Variants in NCOA2 observed in about 807,000 individuals in gnomAD.
The protein encoded by NCOA2 is class E basic helix-loop-helix protein 75.
A neutral mutation model predicts 145.1 loss-of-function variants in NCOA2; 21 were observed. The observed-to-expected ratio is 0.14, with a 90% CI of 0.10 to 0.21. NCOA2 has a LOEUF of 0.21. Ranked by LOEUF, NCOA2 falls within the 10% of genes least tolerant of loss-of-function variation. The probability of loss-of-function intolerance (pLI) is 1.00; values close to 1 mark genes in which losing one functional copy is unlikely to be tolerated. For missense variants in NCOA2, 1,472 were observed against 1,837.6 expected (o/e 0.80, Z 3.64); for synonymous variants, 619 against 637.5 (o/e 0.97, Z 0.44).
chr8:70,239,294 C>A (rs939595164), intron 2 of NCOA2, among the ~76,000 whole-genome samples: 2 of 152,080 alleles, frequency 1.3e-5, no homozygotes, highest in Admixed American at 1.3e-4. Context: ...AACAATGGTT[C>A]ATTCTGATAA....
chr8:70,249,575 A>G (rs1175891810), intron 2 of NCOA2, among the ~76,000 whole-genome samples: 1 of 152,212 alleles, frequency 6.6e-6, no homozygotes, highest in East Asian at 1.9e-4. Context: ...CAACTGGCCC[A>G]GTGCATAGCA....
intron 2 of NCOA2, among the ~76,000 whole-genome samples, chr8:70,248,756 G>T (rs11988649): frequency 1.5e-5 from 1 of 68,198 alleles, no homozygotes; most frequent in Admixed American, 1.9e-4. Context: ...AATGACAGGG[G>T]AAAAAAGTCT....
At chr8:70,270,153 G>A (rs192840837) in intron 2 of NCOA2, among the ~76,000 whole-genome samples, 143 of 151,698 alleles carry the variant, frequency 9.4e-4, no homozygotes, top group African/African-American at 3.3e-3. Flanking sequence ...CTGCACTCCA[G>A]CCTGGGTGAC....
intron 2 of NCOA2, among the ~76,000 whole-genome samples, chr8:70,280,367 C>T (rs994533470): frequency 2.6e-5 from 4 of 152,052 alleles, no homozygotes; most frequent in Non-Finnish European, 5.9e-5. Flanking sequence ...AACTGAGGGG[C>T]GATCGCAATT....
intron 14 of NCOA2, among the ~76,000 whole-genome samples, chr8:70,139,100 A>G (rs1810080275): frequency 6.6e-6 from 1 of 152,278 alleles, no homozygotes; most frequent in South Asian, 2.1e-4. Flanking sequence ...GGAGGCCAAG[A>G]CAACCCACAA....
At chr8:70,432,087 T>G in the NCOA2 span, among the ~76,000 whole-genome samples, 3 of 152,162 alleles carry the variant, frequency 2.0e-5, no homozygotes, top group South Asian at 4.1e-4. Flanking sequence ...TAGGTACAGA[T>G]GATTATATGG....
At position 70,126,699 on chromosome 8, in the gene NCOA2, C is replaced by A; in HGVS notation, c.3916+114G>T. The A allele has an allele frequency of 4.3e-6, 4 of 927,164 alleles. No homozygotes were observed. In the Admixed American group the frequency reaches 6.4e-5, roughly 15 times the overall value. The allele number at this position is 927,164 out of a possible 1,614,324, so 57.4% of individuals were successfully genotyped here. ...AGGTTTCCTATCATTCCCTGGTTAG[C>A]CAGATTCATCTGGGAGCCATGCAAA... is the stretch of plus-strand genomic sequence containing the variant. On this transcript the variant is annotated intron_variant, in intron 19 of 22. Coordinates refer to ENST00000452400, the MANE Select transcript of NCOA2 (RefSeq NM_006540.4).
chr8:70,440,844 GAGAA>G, the NCOA2 span, among the ~76,000 whole-genome samples: 112 of 151,030 alleles, frequency 7.4e-4, 2 homozygotes, highest in African/African-American at 2.5e-3. Flanking sequence ...AGAGGAAAGA[GAGAA>G]AGAAAGAAAG....
At chr8:70,419,397 C>T in the NCOA2 span, among the ~76,000 whole-genome samples, 1 of 152,026 alleles carries the variant, frequency 6.6e-6, no homozygotes, top group Admixed American at 6.6e-5. Context: ...TGCTATTATG[C>T]ATAATCTGTT....
chr8:70,417,736 G>A, the NCOA2 span, among the ~76,000 whole-genome samples: 4 of 152,120 alleles, frequency 2.6e-5, no homozygotes, highest in Non-Finnish European at 5.9e-5. Flanking sequence ...CCTGAATTGG[G>A]TTGTAGTTTT....
chr8:70,242,764 G>A (rs1369256730), intron 2 of NCOA2, among the ~76,000 whole-genome samples: 5 of 151,942 alleles, frequency 3.3e-5, no homozygotes, highest in Admixed American at 3.3e-4. Flanking sequence ...AAACAAAAAG[G>A]TCCTATGAAC....
intron 2 of NCOA2, chr8:70,273,346 C>T (rs537454939): frequency 2.4e-5 from 10 of 424,334 alleles, no homozygotes; most frequent in Middle Eastern, 8.0e-4. Flanking sequence ...CCTAGTCCCC[C>T]GCGCAGCCCC....
intron 6 of NCOA2, among the ~76,000 whole-genome samples, chr8:70,167,320 A>G (rs1813728201): frequency 1.3e-5 from 2 of 152,172 alleles, no homozygotes; most frequent in Admixed American, 6.5e-5. Context: ...GCATCCATCT[A>G]ACGGGATCTT....
intron 2 of NCOA2, among the ~76,000 whole-genome samples, chr8:70,281,624 G>A (rs1008311524): frequency 6.6e-6 from 1 of 152,116 alleles, no homozygotes; most frequent in African/African-American, 2.4e-5. Context: ...AGCAGCAAAA[G>A]TAACAACACT....
chr8:70,176,463 C>T (rs1324610070), intron 4 of NCOA2, among the ~76,000 whole-genome samples: 1 of 152,156 alleles, frequency 6.6e-6, no homozygotes, highest in Admixed American at 6.6e-5. Context: ...TTTGTTCTGT[C>T]TGCAGGCTTG....
chr8:70,163,507 G>A lies in NCOA2; in HGVS notation c.790C>T (p.Leu264Phe), dbSNP rs372970941. ...GTAGTAAAACTTTCTGATGAGGGAAGAACTGGTCTTTCCTTCATGGGAACT... is the reference window on the plus strand; with the variant it reads ...GTAGTAAAACTTTCTGATGAGGGAAAAACTGGTCTTTCCTTCATGGGAACT... ...RRVPMKERPV[L>F]PSSESFTTRQ... The change falls in exon 8 of 23, where the codon CTT (leucine) becomes TTT (phenylalanine). Residue 264 changes from leucine to phenylalanine, a missense_variant. By Grantham distance (22) the Leu-to-Phe change is conservative. This residue lies in a region of NCOA2 where 284 missense variants were observed against 467.8 expected (regional missense o/e 0.61). Transcript: ENST00000452400. 6.2e-7 allele frequency: 1 copy of A among 1,613,948 alleles called. No homozygotes were observed. Among genetic ancestry groups the A allele is most frequent in the Admixed American group, 1.7e-5 (1 of 60,018 alleles).
chr8:70,430,145 G>A, the NCOA2 span, among the ~76,000 whole-genome samples: 1 of 152,142 alleles, frequency 6.6e-6, no homozygotes, highest in Non-Finnish European at 1.5e-5. Flanking sequence ...GAGCCACTGA[G>A]CCCAACCTGT....
At chr8:70,395,122 A>G (rs541662679) in intron 1 of NCOA2, among the ~76,000 whole-genome samples, 22 of 152,350 alleles carry the variant, frequency 1.4e-4, no homozygotes, top group Middle Eastern at 3.4e-3. Flanking sequence ...ACTACCACTT[A>G]TATTTAATCT....
chr8:70,323,518 T>C (rs996685661), intron 1 of NCOA2, among the ~76,000 whole-genome samples: 8 of 152,162 alleles, frequency 5.3e-5, no homozygotes, highest in African/African-American at 1.4e-4. Flanking sequence ...AAAAAGGTCA[T>C]TGATATTAAG....
Sources: allele counts gnomAD v4.1 joint callset (sites outside exome capture counted in the v4.1 genomes callset), GRCh38; gene constraint gnomAD v4.1.1; regional missense constraint gnomAD v4.1.1; transcripts MANE v1.5; gene names NCBI Gene and HGNC (gene_info 2026-07-23, HGNC 2026-07-21).